Variants in ALOX15 observed in about 807,000 individuals in gnomAD.
The protein encoded by ALOX15 is polyunsaturated fatty acid lipoxygenase ALOX15.
In ALOX15, 68 loss-of-function variants were observed where a neutral mutation model predicts 71.7. The ratio of observed to expected loss-of-function variants is 0.95; its 90% CI spans 0.78 to 1.16. The LOEUF is 1.16. Among genes scored for constraint, ALOX15 ranks in the 50% most tolerant of loss-of-function variants. The pLI is 0.00. For missense variants in ALOX15, 798 were observed against 818.8 expected, an observed-to-expected ratio of 0.97 and a Z score of 0.31; for synonymous variants, 346 against 333.3, an observed-to-expected ratio of 1.04 and a Z score of -0.42.
At chr17:4,634,612 ATATC>A (rs1444003352) in intron 8 of ALOX15, among the ~76,000 whole-genome samples, 4 of 151,806 alleles carry the variant, frequency 2.6e-5, no homozygotes, top group Non-Finnish European at 5.9e-5. Context: ...TATATACTGT[ATATC>A]TGTCTATGTA....
At chr17:4,636,983 G>T in intron 7 of ALOX15, 132 bp downstream of exon 7, 1 of 1,115,964 alleles carries the variant, frequency 9.0e-7, no homozygotes. Context: ...GAGACTTGGC[G>T]CATTTCCTCC....
intron 1 of ALOX15, 63 bp downstream of exon 1, chr17:4,641,454 C>A: frequency 6.4e-7 from 1 of 1,571,318 alleles, no homozygotes; most frequent in Non-Finnish European, 8.6e-7. Flanking sequence ...CATGTCCTCC[C>A]CGGTATTTGA....
In ALOX15 at chr17:4,639,644, G is replaced by A. The variant is rs752292912; in HGVS notation, c.136-13C>T. On this transcript the variant is annotated splice_polypyrimidine_tract_variant and intron_variant, in intron 1 of 13. Coordinates refer to ENST00000293761, the MANE Select transcript of ALOX15 (RefSeq NM_001140.5). The stretch of plus-strand genomic sequence containing the variant: ...TGAGTTCTGTCTCCTGCGGGCGACA[G>A]AAGAGGCTCAGCCCCGGTGGGGCCT... 17 of 1,603,202 alleles carry A rather than the reference G, an allele frequency of 1.1e-5. No individual in the cohort carries two copies. Among genetic ancestry groups the A allele is most frequent in the Non-Finnish European group, 1.4e-5 (17 of 1,175,006 alleles).
At position 4,641,568 on chromosome 17, in the gene ALOX15, G is replaced by T; in HGVS notation, c.84C>A (p.Gly28=). 6.2e-7 allele frequency: 1 copy of T among 1,613,516 alleles called. No individual in the cohort carries two copies. The highest frequency in any genetic ancestry group is 8.5e-7 in the Non-Finnish European group (1 of 1,180,034). Residue 28 remains glycine, a synonymous_variant, in exon 1 of 14, where the codon GGC becomes GGA. Coordinates refer to ENST00000293761, the MANE Select transcript of ALOX15 (RefSeq NM_001140.5). ...TCCCGAGCGCCGCCTCCCCGTGCTG[G>T]CCGACCAGCCACAGCTGCACCTGGT... The part of the protein sequence containing the change: ...SNNQVQLWLV[G]QHGEAALGKR...
At position 4,631,670 on chromosome 17, in the gene ALOX15, C is replaced by G; in HGVS notation, c.1919G>C (p.Arg640Pro). ...GTAGGGCATGTCCAGCTTTGCATTC[C>G]GGATCTCAATTTCCTTATCCAGGGC... is the stretch of plus-strand genomic sequence containing the variant. ...LAALDKEIEI[R>P]NAKLDMPYEY... The change falls in exon 14 of 14, where the codon CGG becomes CCG. Residue 640 changes from arginine (R) to proline (P), a missense_variant. This residue lies in a region of ALOX15 where 490 missense variants were observed against 509.4 expected (regional missense o/e 0.96). Transcript: ENST00000293761. The G allele has an allele frequency of 6.2e-7, 1 of 1,614,174 alleles. No individual in the cohort carries two copies. Among genetic ancestry groups the G allele is most frequent in the Non-Finnish European group, 8.5e-7 (1 of 1,180,034 alleles).
At chr17:4,639,766 G>C in intron 1 of ALOX15, 135 bp from the exon 2 acceptor site, 1 of 811,922 alleles carries the variant, frequency 1.2e-6, no homozygotes, top group Non-Finnish European at 1.9e-6. Flanking sequence ...TGCGGGGACT[G>C]AGCCAGAGAG....
At position 4,638,301 on chromosome 17, in the gene ALOX15, C is replaced by A; in HGVS notation, c.723G>T (p.Leu241=). ...QFLNGANPVV[L]RRSAHLPARL... is the part of the protein sequence containing the mutation. ...GAGCAGGAAGGTGAGCAGAGCGCCT[C>A]AGCACCACGGGGTTGGCGCCATTAA... The change falls in exon 6 of 14, where the codon CTG becomes CTT. Residue 241 remains leucine (L), a synonymous_variant. Transcript: ENST00000293761. 3.9e-6 allele frequency: 3 copies of A among 778,266 alleles called. No individual in the cohort carries two copies. The South Asian group carries it at 5.1e-5, about 13-fold the overall frequency. The allele number at this position is 778,266 out of a possible 1,614,324, so 48.2% of individuals were successfully genotyped here.
intron 10 of ALOX15, 80 bp from the exon 11 acceptor site, chr17:4,633,062 C>A: frequency 6.2e-7 from 1 of 1,610,542 alleles, no homozygotes; most frequent in Non-Finnish European, 8.5e-7. Flanking sequence ...GCCCCAGGCC[C>A]CCAACCAGAC....
rs11568143 is a variant in ALOX15, at chr17:4,639,034, A to T, written c.419+17T>A. The T allele has an allele frequency of 1.9e-3, 3,099 of 1,614,200 alleles. 6 individuals carry two copies. The highest frequency in any genetic ancestry group is 2.2e-3 in the Non-Finnish European group (2,560 of 1,180,024). On this transcript the variant is annotated intron_variant, in intron 3 of 13. Transcript: ENST00000293761. Reference sequence around the variant, plus strand: ...AAGCATCAGCAGCTCACGTGGGGTCAGGGGAGGAGGGCTCACCGGTACAAC... The same window carrying T: ...AAGCATCAGCAGCTCACGTGGGGTCTGGGGAGGAGGGCTCACCGGTACAAC...
chr17:4,641,329 GCTTA>G (rs1362206190), intron 1 of ALOX15, among the ~76,000 whole-genome samples, 184 bp downstream of exon 1: 2 of 152,322 alleles, frequency 1.3e-5, no homozygotes, highest in Admixed American at 6.5e-5. Flanking sequence ...TTTATTGAGC[GCTTA>G]CTGTGTGCCA....
rs1419012799 is a variant in ALOX15, at chr17:4,633,429, C to G, written c.1233G>C (p.Met411Ile). Residue 411 changes from methionine (M) to isoleucine (I), a missense_variant, in exon 9 of 14, where the codon ATG becomes ATC. Met to Ile is a conservative substitution (Grantham distance 10). Around this residue, in one of 3 missense-constraint regions of ALOX15, gnomAD observed 490 missense variants for 509.4 expected, o/e 0.96. Transcript: ENST00000293761. ...VRARTGLVSD[M>I]GIFDQIMSTG... ...CTTCCCATACCTGGTCGAAAATTCC[C>G]ATGTCAGAGACCAGCCCAGTCCTGG... 1.2e-6 allele frequency: 2 copies of G among 1,614,136 alleles called. No individual in the cohort carries two copies. The highest frequency in any genetic ancestry group is 1.1e-5 in the South Asian group (1 of 91,074).
At chr17:4,635,587 A>C (rs536930769) in intron 8 of ALOX15, among the ~76,000 whole-genome samples, 172 bp downstream of exon 8, 195 of 152,314 alleles carry the variant, frequency 1.3e-3, no homozygotes, top group Non-Finnish European at 2.3e-3. Flanking sequence ...GGGAGGTGCT[A>C]TCCCCTTTGA....
At chr17:4,637,401 T>G (rs1422441565) in intron 6 of ALOX15, 143 bp from the exon 7 acceptor site, 3 of 983,694 alleles carry the variant, frequency 3.0e-6, no homozygotes, top group Non-Finnish European at 4.2e-6. Flanking sequence ...GCTTACTTCC[T>G]CATATCATTT....
At position 4,632,845 on chromosome 17, in the gene ALOX15, C is replaced by T. The variant is rs778072173; in HGVS notation, c.1540+16G>A. ...GGGCTTTGTGTCTGAGATCTCAGGG[C>T]AGGGGCTCCTCTTACCTCGGTCCTG... is the stretch of plus-strand genomic sequence containing the variant. On this transcript the variant is annotated intron_variant, in intron 11 of 13. Coordinates refer to ENST00000293761, the MANE Select transcript of ALOX15 (RefSeq NM_001140.5). 1 of 1,614,042 alleles carries T rather than the reference C, an allele frequency of 6.2e-7. No individual in the cohort carries two copies. The highest frequency in any genetic ancestry group is 1.7e-5 in the Admixed American group (1 of 60,004).
At chr17:4,633,103 CCACCCCCACTTG>C (rs760397396) in intron 10 of ALOX15, 31 bp downstream of exon 10, 5 of 1,608,274 alleles carry the variant, frequency 3.1e-6, no homozygotes, top group Admixed American at 3.3e-5. Flanking sequence ...CATGTCTTCT[CCACCCCCACTTG>C]CACCCCCACT....
Position 4,633,254 on chromosome 17 carries a change from G to GT in ALOX15, c.1309dup (p.Thr437AsnfsTer9). 1.2e-6 allele frequency: 2 copies of GT among 1,614,210 alleles called. No individual in the cohort carries two copies. Among genetic ancestry groups the GT allele is most frequent in the Non-Finnish European group, 1.7e-6 (2 of 1,180,032 alleles). On this transcript the variant is annotated frameshift_variant, in exon 10 of 14. Coordinates refer to ENST00000293761, the MANE Select transcript of ALOX15 (RefSeq NM_001140.5). LOFTEE classifies it high-confidence loss of function. ...ATCAGGGGGACAGAAGGAGCTGTAG[G>GT]TTAGGAAGGCTCCAGCTTGCTTGAG...
At chr17:4,635,523 G>A (rs1305491276) in intron 8 of ALOX15, among the ~76,000 whole-genome samples, 1 of 152,100 alleles carries the variant, frequency 6.6e-6, no homozygotes, top group African/African-American at 2.4e-5. Context: ...TCATTTGCAT[G>A]TACTGTGCTT....
chr17:4,638,393 G>A lies in ALOX15; in HGVS notation c.647-16C>T, dbSNP rs1361425084. On this transcript the variant is annotated splice_polypyrimidine_tract_variant and intron_variant, in intron 5 of 13. Coordinates refer to ENST00000293761, the MANE Select transcript of ALOX15 (RefSeq NM_001140.5). ...CGCACGCGCTCTGGGGAAGGCAGTT[G>A]TTGAGCAAGTTGTGGGATCTGAGCT... 2 of 850,666 alleles carry A rather than the reference G, an allele frequency of 2.4e-6. No homozygotes were observed. Among genetic ancestry groups the A allele is most frequent in the Non-Finnish European group, 3.8e-6 (2 of 532,578 alleles). The allele number at this position is 850,666 out of a possible 1,614,324, so 52.7% of individuals were successfully genotyped here.
Position 4,638,677 on chromosome 17 carries a change from C to G in ALOX15, c.550G>C (p.Asp184His). ...FEVSLAKGLA[D>H]LAIKDSLNVL... ...TTTAGAGAGTCTTTGATAGCGAGGT[C>G]GGCCAGCCTTCAGGGCAGGATGGGG... Residue 184 changes from aspartate (D) to histidine (H), a missense_variant, in exon 5 of 14, where the codon GAC (aspartate) becomes CAC (histidine). Around this residue, in one of 3 missense-constraint regions of ALOX15, gnomAD observed 300 missense variants for 283.1 expected, o/e 1.06. Coordinates refer to ENST00000293761, the MANE Select transcript of ALOX15 (RefSeq NM_001140.5). 6.2e-7 allele frequency: 1 copy of G among 1,614,152 alleles called. No homozygotes were observed. Among genetic ancestry groups the G allele is most frequent in the Non-Finnish European group, 8.5e-7 (1 of 1,180,004 alleles).
Sources: allele counts gnomAD v4.1 joint callset (sites outside exome capture counted in the v4.1 genomes callset), GRCh38; gene constraint gnomAD v4.1.1; regional missense constraint gnomAD v4.1.1; transcripts MANE v1.5; gene names NCBI Gene and HGNC (gene_info 2026-07-23, HGNC 2026-07-21).